The following CSGALNACT1 variants were observed in gnomAD, a reference collection of about 807,000 sequenced individuals.
The protein encoded by CSGALNACT1 is beta4GalNAcT-1.
CSGALNACT1 carries 52 observed loss-of-function variants against 51.0 expected under a neutral mutation model. The ratio of observed to expected loss-of-function variants is 1.02; its 90% CI spans 0.82 to 1.29. The LOEUF is 1.29. Ranked by LOEUF, CSGALNACT1 falls within the 50% of genes most tolerant of loss-of-function variation. The probability of loss-of-function intolerance (pLI) is 0.00; values close to 1 mark genes in which losing one functional copy is unlikely to be tolerated. For synonymous variants in CSGALNACT1, 341 were observed against 254.4 expected (o/e 1.34, Z -3.24); for missense variants, 935 against 679.2 (o/e 1.38, Z -4.19).
chr8:19,541,534 GA>G (rs2085136219), intron 3 of CSGALNACT1, among the ~76,000 whole-genome samples: 2 of 137,428 alleles, frequency 1.5e-5, no homozygotes, highest in Non-Finnish European at 3.1e-5. Context: ...TTACAGGTGT[GA>G]GCCACCGTGC....
intron 4 of CSGALNACT1, among the ~76,000 whole-genome samples, chr8:19,462,401 T>G (rs1460066798): frequency 1.3e-5 from 2 of 152,236 alleles, no homozygotes; most frequent in South Asian, 2.1e-4. Flanking sequence ...TCATTAACTT[T>G]TAAAAATCAA....
At chr8:19,468,848 C>G (rs1181085755) in intron 4 of CSGALNACT1, among the ~76,000 whole-genome samples, 1 of 152,096 alleles carries the variant, frequency 6.6e-6, no homozygotes, top group African/African-American at 2.4e-5. Flanking sequence ...TAAGCTGAAG[C>G]TGTGGATGTG....
At chr8:19,551,101 A>T (rs1374313797) in intron 3 of CSGALNACT1, among the ~76,000 whole-genome samples, 1 of 152,176 alleles carries the variant, frequency 6.6e-6, no homozygotes, top group East Asian at 1.9e-4. Flanking sequence ...TAACCAGCAA[A>T]ATTTCAAGAG....
chr8:19,501,246 C>CAA lies in CSGALNACT1; in HGVS notation c.634+3953_634+3954dup, dbSNP rs35069773. Among the ~76,000 whole-genome samples, 428 of 83,536 alleles carry CAA rather than the reference C, an allele frequency of 5.1e-3. 3 individuals are homozygous for CAA. Among genetic ancestry groups the CAA allele is most frequent in the African/African-American group, 0.017 (356 of 21,230 alleles). 54.8% of individuals were successfully genotyped at this position (83,536 alleles called of 152,430 possible). A position where few individuals can be genotyped will look rare whatever the true frequency, so the allele number is the denominator to read the frequency against. ...TGTGTGACAAAGCGAGACTCCGTCTCAAAAAAAAAAAAAAAAAAAAAAAGA... is the reference window on the plus strand; with the variant it reads ...TGTGTGACAAAGCGAGACTCCGTCTCAAAAAAAAAAAAAAAAAAAAAAAAAGA... On this transcript the variant is annotated intron_variant, in intron 4 of 9. Coordinates refer to ENST00000454498, the Ensembl canonical transcript of CSGALNACT1.
chr8:19,553,916 C>A (rs2088969865), intron 3 of CSGALNACT1, among the ~76,000 whole-genome samples: 1 of 151,630 alleles, frequency 6.6e-6, no homozygotes, highest in Admixed American at 6.6e-5. Flanking sequence ...CACACACACA[C>A]ACACACACAC....
chr8:19,423,692 T>C (rs2058317648), intron 6 of CSGALNACT1, among the ~76,000 whole-genome samples: 1 of 152,170 alleles, frequency 6.6e-6, no homozygotes, highest in Non-Finnish European at 1.5e-5. Context: ...GCTTCCATGA[T>C]GTGTTGCTTC....
chr8:19,625,922 A>G (rs1302437135), intron 1 of CSGALNACT1, among the ~76,000 whole-genome samples: 9 of 152,234 alleles, frequency 5.9e-5, no homozygotes, highest in African/African-American at 1.9e-4. Flanking sequence ...ATCAGGCTAA[A>G]TAATCTCTAA....
intron 1 of CSGALNACT1, among the ~76,000 whole-genome samples, chr8:19,697,210 A>C (rs1434023744): frequency 6.6e-6 from 1 of 152,158 alleles, no homozygotes; most frequent in East Asian, 1.9e-4. Context: ...GATGACCACC[A>C]TGAAGAGGAA....
At chr8:19,470,018 G>A (rs1408886878) in intron 4 of CSGALNACT1, among the ~76,000 whole-genome samples, 3 of 152,178 alleles carry the variant, frequency 2.0e-5, no homozygotes, top group Non-Finnish European at 2.9e-5. Flanking sequence ...TTGACAGAAT[G>A]TTTTTTAAAA....
chr8:19,405,317 C>T (rs1385313861), exon 10 of CSGALNACT1: 1 of 454,398 alleles, frequency 2.2e-6, no homozygotes, highest in East Asian at 6.9e-5. Flanking sequence ...TCATAATAAG[C>T]CTATCTCCTC....
At chr8:19,560,570 C>T (rs1014448206) in intron 3 of CSGALNACT1, among the ~76,000 whole-genome samples, 4 of 152,042 alleles carry the variant, frequency 2.6e-5, no homozygotes, top group Non-Finnish European at 4.4e-5. Flanking sequence ...GAAAAATGAC[C>T]CACTTCACAC....
At chr8:19,472,166 AC>A (rs1197255160) in intron 4 of CSGALNACT1, among the ~76,000 whole-genome samples, 1 of 152,200 alleles carries the variant, frequency 6.6e-6, no homozygotes, top group African/African-American at 2.4e-5. Flanking sequence ...AGATTCCAGA[AC>A]AAACAACATG....
At chr8:19,638,071 C>A (rs950815292) in intron 1 of CSGALNACT1, among the ~76,000 whole-genome samples, 14 of 148,222 alleles carry the variant, frequency 9.4e-5, no homozygotes, top group Admixed American at 5.4e-4. Context: ...AAAACCTTGA[C>A]AACCAACCTA....
upstream of CSGALNACT1, among the ~76,000 whole-genome samples, chr8:19,603,071 C>A (rs2050789360): frequency 6.8e-6 from 1 of 147,808 alleles, no homozygotes; most frequent in Non-Finnish European, 1.5e-5. Context: ...CACACACACA[C>A]ACACACACAC....
intron 3 of CSGALNACT1, among the ~76,000 whole-genome samples, chr8:19,588,503 A>G (rs1207701446): frequency 2.0e-5 from 3 of 152,246 alleles, no homozygotes. Context: ...AAATGTAAAT[A>G]TCACTCGTGA....
intron 3 of CSGALNACT1, among the ~76,000 whole-genome samples, chr8:19,531,141 C>T (rs938970186): frequency 2.0e-5 from 3 of 152,184 alleles, no homozygotes; most frequent in African/African-American, 7.2e-5. Context: ...GAGCTTGAAA[C>T]TCTTCAGAGA....
chr8:19,499,739 G>C lies in CSGALNACT1; in HGVS notation c.634+5462C>G, dbSNP rs572695559. On this transcript the variant is annotated intron_variant, in intron 4 of 9. Transcript: ENST00000454498. ...TCTGTCCCCTCCACCTCGGAGGTAG[G>C]ACCAGCTACACAGTTTGCAGGGCCC... 4.6e-5 allele frequency among the ~76,000 whole-genome samples: 7 copies of C among 152,256 alleles called. No homozygotes were observed. In the East Asian group the frequency reaches 1.4e-3, roughly 29 times the overall value.
chr8:19,745,743 T>C (rs1324321205), intron 1 of CSGALNACT1, among the ~76,000 whole-genome samples: 1 of 152,186 alleles, frequency 6.6e-6, no homozygotes, highest in East Asian at 1.9e-4. Flanking sequence ...CAGGGGGTCA[T>C]GTCCAGGTCC....
intron 1 of CSGALNACT1, among the ~76,000 whole-genome samples, chr8:19,692,108 C>T (rs62494493): frequency 2.1e-4 from 32 of 152,132 alleles, no homozygotes; most frequent in Non-Finnish European, 4.1e-4. Flanking sequence ...ATCCTGAGAA[C>T]TCACTCACTA....
Sources: allele counts gnomAD v4.1 joint callset (sites outside exome capture counted in the v4.1 genomes callset), GRCh38; gene constraint gnomAD v4.1.1; transcripts MANE v1.5; gene names NCBI Gene and HGNC (gene_info 2026-07-23, HGNC 2026-07-21).